CCDC141: variants seen among roughly 807,000 people sequenced by gnomAD.
The protein encoded by CCDC141 is coiled-coil domain-containing protein 141.
In CCDC141, 168 loss-of-function variants were observed where a neutral mutation model predicts 181.0. The ratio of observed to expected loss-of-function variants is 0.93; its 90% CI spans 0.82 to 1.05. The LOEUF is 1.05. Among genes scored for constraint, CCDC141 ranks in the 50% least tolerant of loss-of-function variants. The pLI is 0.00. For missense variants in CCDC141, 1,902 were observed against 1,788.5 expected, an observed-to-expected ratio of 1.06 and a Z score of -1.14; for synonymous variants, 666 against 642.3, an observed-to-expected ratio of 1.04 and a Z score of -0.56.
At chr2:179,033,215 TATAAAAATATTCAGAAAGAA>T (rs2043048889) in intron 2 of CCDC141, among the ~76,000 whole-genome samples, 1 of 151,050 alleles carries the variant, frequency 6.6e-6, no homozygotes, top group Non-Finnish European at 1.5e-5. Flanking sequence ...ATAAACCATG[TATAAAAATATTCAGAAAGAA>T]ATAACATAAC....
intron 6 of CCDC141, among the ~76,000 whole-genome samples, chr2:178,922,433 T>A (rs1255116105): frequency 6.6e-6 from 1 of 152,210 alleles, no homozygotes; most frequent in Non-Finnish European, 1.5e-5. Flanking sequence ...CTTGACACAC[T>A]GTTTTTCTCA....
Position 178,886,799 on chromosome 2 carries a change from A to T in CCDC141, c.1480T>A (p.Ser494Thr). Residue 494 changes from serine (S) to threonine (T), a missense_variant, in exon 10 of 24, where the codon TCA (serine) becomes ACA (threonine). Ser to Thr is a moderately conservative substitution (Grantham distance 58). Transcript: ENST00000443758. ...AGATATTTATTCAAAATCTTCTCTG[A>T]TTCAGAACGGGTAGAACCAACATCC... ...AMDVGSTRSE[S>T]EKILNKYLEL... The T allele has an allele frequency of 6.8e-7, 1 of 1,480,194 alleles. No homozygotes were observed. Among genetic ancestry groups the T allele is most frequent in the Non-Finnish European group, 9.0e-7 (1 of 1,112,268 alleles). 91.7% of individuals were successfully genotyped at this position (1,480,194 alleles called of 1,614,324 possible).
At chr2:179,018,794 C>T (rs541850167) in intron 2 of CCDC141, among the ~76,000 whole-genome samples, 7 of 152,088 alleles carry the variant, frequency 4.6e-5, no homozygotes, top group Non-Finnish European at 1.0e-4. Context: ...AACAGTGTCA[C>T]TCATTTTTGT....
chr2:179,034,347 A>G (rs1344406361), intron 2 of CCDC141, among the ~76,000 whole-genome samples: 1 of 152,124 alleles, frequency 6.6e-6, no homozygotes, highest in East Asian at 1.9e-4. Flanking sequence ...GTCCTAATGG[A>G]GGGTAGAGGG....
At chr2:179,030,349 T>C (rs1481157766) in intron 2 of CCDC141, among the ~76,000 whole-genome samples, 1 of 152,058 alleles carries the variant, frequency 6.6e-6, no homozygotes, top group Non-Finnish European at 1.5e-5. Flanking sequence ...CAAAACTAAC[T>C]ATGGCATATT....
At chr2:178,847,855 G>GA (rs1274146760) in intron 21 of CCDC141, among the ~76,000 whole-genome samples, 2 of 152,158 alleles carry the variant, frequency 1.3e-5, no homozygotes, top group Admixed American at 1.3e-4. Flanking sequence ...AGTGCCCTTA[G>GA]AAAAGAGGCC....
intron 2 of CCDC141, among the ~76,000 whole-genome samples, chr2:179,004,437 T>C (rs2042067236): frequency 6.6e-6 from 1 of 152,206 alleles, no homozygotes; most frequent in Non-Finnish European, 1.5e-5. Context: ...TTAAGAATAA[T>C]AGTCGTTTGC....
chr2:178,999,512 T>G (rs559727454), intron 2 of CCDC141, among the ~76,000 whole-genome samples: 8 of 152,170 alleles, frequency 5.3e-5, no homozygotes, highest in Admixed American at 6.5e-5. Flanking sequence ...ATCAGAAGTA[T>G]GAGCATGTCA....
the CCDC141 span, chr2:178,817,738 T>A: frequency 3.3e-6 from 1 of 303,858 alleles, no homozygotes; most frequent in South Asian, 3.1e-5. Flanking sequence ...ATTTTCGTTC[T>A]CTTTTTCTTT....
At chr2:178,980,662 A>T (rs775417787) in intron 2 of CCDC141, among the ~76,000 whole-genome samples, 1 of 152,210 alleles carries the variant, frequency 6.6e-6, no homozygotes, top group Non-Finnish European at 1.5e-5. Context: ...AATAAGACTC[A>T]AGTATACATT....
In CCDC141 at chr2:178,970,968, G is replaced by A. The variant is rs535582188; in HGVS notation, c.526+4089C>T. 1.8e-3 allele frequency among the ~76,000 whole-genome samples: 272 copies of A among 152,328 alleles called. 5 individuals are homozygous for A. The South Asian group carries it at 0.023, about 13-fold the overall frequency. ...CTCACGCCTGTAATCCCAGCACTTC[G>A]GGAGGCTGAGGCGGGCAGATCACGA... On this transcript the variant is annotated intron_variant, in intron 4 of 23. Coordinates refer to ENST00000443758, the MANE Select transcript of CCDC141 (RefSeq NM_173648.4).
At chr2:178,959,568 A>G (rs1185377228) in intron 5 of CCDC141, among the ~76,000 whole-genome samples, 2 of 152,198 alleles carry the variant, frequency 1.3e-5, no homozygotes, top group Non-Finnish European at 2.9e-5. Flanking sequence ...GTCTTCAGGA[A>G]AAGACCTTTG....
intron 7 of CCDC141, among the ~76,000 whole-genome samples, chr2:178,916,237 C>T (rs932136737): frequency 6.6e-6 from 1 of 152,136 alleles, no homozygotes; most frequent in African/African-American, 2.4e-5. Flanking sequence ...ATTATATAAA[C>T]TGAACATAGC....
At chr2:178,910,446 A>T (rs1688172386) in intron 7 of CCDC141, among the ~76,000 whole-genome samples, 1 of 152,178 alleles carries the variant, frequency 6.6e-6, no homozygotes, top group Admixed American at 6.5e-5. Context: ...AAACTCAGCT[A>T]AGTGCTGAGT....
Position 179,033,349 on chromosome 2 carries a change from G to T in CCDC141, c.225+13935C>A, listed in dbSNP as rs191808818. The stretch of plus-strand genomic sequence containing the variant: ...CTATAGATGATTTAAAGTATAAAGG[G>T]GGATGTGCATAGCTTATATTGCAAA... On this transcript the variant is annotated intron_variant, in intron 2 of 23. Coordinates refer to ENST00000443758, the MANE Select transcript of CCDC141 (RefSeq NM_173648.4). Among the ~76,000 whole-genome samples, 521 of 152,060 alleles carry T rather than the reference G, an allele frequency of 3.4e-3. 2 individuals carry two copies. Among genetic ancestry groups the T allele is most frequent in the African/African-American group, 0.012 (479 of 41,478 alleles).
chr2:178,980,680 A>G (rs916767172), intron 2 of CCDC141, among the ~76,000 whole-genome samples: 4 of 152,246 alleles, frequency 2.6e-5, no homozygotes, highest in Non-Finnish European at 2.9e-5. Flanking sequence ...ATTGTCTACA[A>G]GAAACCTACT....
chr2:178,900,919 A>C (rs1473225963), intron 8 of CCDC141, among the ~76,000 whole-genome samples: 1 of 152,164 alleles, frequency 6.6e-6, no homozygotes, highest in East Asian at 1.9e-4. Context: ...AGAGAAGGAA[A>C]ATACATGAGA....
Position 178,837,124 on chromosome 2 carries a change from G to A in CCDC141, c.4095C>T (p.Ser1365=), listed in dbSNP as rs868797385. The part of the protein sequence containing the change: ...FTKTQDRLHA[S]SDAFSGLRFQ... ...ACCTGAGGCCCGAGAATGCATCAGA[G>A]GAAGCATGCAGCCTATCTTGGGTTT... The change falls in exon 23 of 24, where the codon TCC becomes TCT. Residue 1365 remains serine, a synonymous_variant. Transcript: ENST00000443758. The A allele has an allele frequency of 1.2e-6, 2 of 1,614,010 alleles. No individual in the cohort carries two copies. The highest frequency in any genetic ancestry group is 2.2e-5 in the East Asian group (1 of 44,814).
At position 178,961,395 on chromosome 2, in the gene CCDC141, C is replaced by T. The variant is rs1690390593; in HGVS notation, c.615G>A (p.Val205=). 1 of 1,550,546 alleles carries T rather than the reference C, an allele frequency of 6.4e-7. No homozygotes were observed. ...IEKFKCEGPN[V]NPELTQGAHS... is the part of the protein sequence containing the mutation. ...GAGCTCCCTGAGTCAACTCAGGATT[C>T]ACATTAGGTCCTTCACACTTGAATT... The change falls in exon 5 of 24, where the codon GTG becomes GTA. Residue 205 remains valine (V), a synonymous_variant. Transcript: ENST00000443758.
Sources: allele counts gnomAD v4.1 joint callset (sites outside exome capture counted in the v4.1 genomes callset), GRCh38; gene constraint gnomAD v4.1.1; transcripts MANE v1.5; gene names NCBI Gene and HGNC (gene_info 2026-07-23, HGNC 2026-07-21).